The following FRY variants were observed in gnomAD, a reference collection of about 807,000 sequenced individuals.
FRY encodes the protein FRY microtubule binding protein, also known as protein furry homolog.
FRY carries 128 observed loss-of-function variants against 348.4 expected under a neutral mutation model. That is an observed-to-expected ratio of 0.37 (90% CI 0.32 to 0.43). The LOEUF (loss-of-function observed/expected upper bound fraction) is 0.43. Ranked by LOEUF, FRY falls within the 20% of genes least tolerant of loss-of-function variation. FRY has a pLI of 1.00. For synonymous variants in FRY, 1,370 were observed against 1,374.7 expected (o/e 1.00, Z 0.08); for missense variants, 2,736 against 3,695.2 (o/e 0.74, Z 6.73).
In FRY at chr13:32,236,347, A is replaced by AAC. The variant is rs10617897; in HGVS notation, c.5810+197_5810+198dup. On this transcript the variant is annotated intron_variant, in intron 43 of 60. Transcript: ENST00000542859. ...TAAAAAAGAAGTCATAATACACACAAACACACACACACACACACACACATT... is the reference window on the plus strand; with the variant it reads ...TAAAAAAGAAGTCATAATACACACAAACACACACACACACACACACACACATT... Among the ~76,000 whole-genome samples the AAC allele has an allele frequency of 6.0e-3, 901 of 151,328 alleles. 4 individuals carry two copies. The highest frequency in any genetic ancestry group is 8.8e-3 in the Non-Finnish European group (594 of 67,730).
intron 1 of FRY, among the ~76,000 whole-genome samples, chr13:32,063,598 T>A (rs1874072134): frequency 6.6e-6 from 1 of 152,200 alleles, no homozygotes; most frequent in Non-Finnish European, 1.5e-5. Flanking sequence ...ATCTGCTATT[T>A]TTCTCTTCTC....
At chr13:32,192,292 ATTTGT>A (rs907579803) in intron 28 of FRY, among the ~76,000 whole-genome samples, 7 of 151,340 alleles carry the variant, frequency 4.6e-5, no homozygotes, top group Non-Finnish European at 7.4e-5. Flanking sequence ...TTGTTTGTTT[ATTTGT>A]TTTGTTTTGT....
intron 41 of FRY, among the ~76,000 whole-genome samples, chr13:32,232,812 C>T (rs79850817): frequency 1.2e-3 from 187 of 152,268 alleles, no homozygotes; most frequent in Non-Finnish European, 1.3e-3. Flanking sequence ...GAAAAAGAAA[C>T]CTTTTCCTTT....
chr13:32,145,515 C>T (rs1880349070), intron 11 of FRY, among the ~76,000 whole-genome samples: 1 of 147,416 alleles, frequency 6.8e-6, no homozygotes, highest in African/African-American at 2.5e-5. Context: ...ACTCCCCTCT[C>T]TGACTGATTT....
chr13:32,056,777 T>G (rs1873647351), intron 1 of FRY, among the ~76,000 whole-genome samples: 1 of 152,214 alleles, frequency 6.6e-6, no homozygotes, highest in African/African-American at 2.4e-5. Context: ...GTGAAAATAT[T>G]TTAACTCTTA....
chr13:32,125,523 G>T (rs1374314460), intron 7 of FRY, among the ~76,000 whole-genome samples: 1 of 152,156 alleles, frequency 6.6e-6, no homozygotes, highest in Non-Finnish European at 1.5e-5. Context: ...TAGGCAAAAT[G>T]AACCAGAGAC....
chr13:32,290,751 G>A (rs1593858431), intron 59 of FRY, among the ~76,000 whole-genome samples: 1 of 152,162 alleles, frequency 6.6e-6, no homozygotes, highest in African/African-American at 2.4e-5. Context: ...AACTGGGACA[G>A]AAGCGCTAGG....
At chr13:32,155,810 T>C in intron 15 of FRY, 148 bp downstream of exon 15, 6 of 616,418 alleles carry the variant, frequency 9.7e-6, no homozygotes, top group Non-Finnish European at 1.4e-5. Flanking sequence ...GATTGATTCA[T>C]GCTGTGTTTT....
chr13:32,085,220 C>G (rs1243616435), intron 2 of FRY, among the ~76,000 whole-genome samples: 1 of 152,192 alleles, frequency 6.6e-6, no homozygotes, highest in Non-Finnish European at 1.5e-5. Flanking sequence ...TCTCCTCACA[C>G]TGACTCCAGC....
At chr13:32,265,276 C>G (rs1463551825) in intron 53 of FRY, among the ~76,000 whole-genome samples, 174 bp from the exon 54 acceptor site, 1 of 152,168 alleles carries the variant, frequency 6.6e-6, no homozygotes, top group African/African-American at 2.4e-5. Flanking sequence ...AACAGTACTT[C>G]AGAGAATTCC....
At chr13:32,164,952 C>G (rs1374400076) in intron 17 of FRY, among the ~76,000 whole-genome samples, 1 of 152,192 alleles carries the variant, frequency 6.6e-6, no homozygotes, top group Non-Finnish European at 1.5e-5. Flanking sequence ...TGAGTATTCA[C>G]CCTCCTCTTT....
intron 4 of FRY, among the ~76,000 whole-genome samples, chr13:32,123,050 C>G (rs1223629831): frequency 2.0e-5 from 3 of 152,142 alleles, no homozygotes; most frequent in Admixed American, 6.5e-5. Context: ...ACAACACAAA[C>G]AAATGGAAAC....
intron 36 of FRY, 30 bp downstream of exon 36, chr13:32,218,861 A>G (rs1356730194): frequency 2.3e-6 from 3 of 1,278,704 alleles, no homozygotes; most frequent in South Asian, 2.4e-5. Flanking sequence ...GGGCTTTCAG[A>G]CGGAACGCAA....
At position 32,147,960 on chromosome 13, in the gene FRY, A is replaced by G. The variant is rs1488088048; in HGVS notation, c.1392+13A>G. 7.1e-7 allele frequency: 1 copy of G among 1,403,356 alleles called. No individual in the cohort carries two copies. The highest frequency in any genetic ancestry group is 1.7e-5 in the Admixed American group (1 of 59,766). 86.9% of individuals were successfully genotyped at this position (1,403,356 alleles called of 1,614,324 possible). ...GTTCATTGCCCAGGTAATGGAGAAG[A>G]TTCCGGTGGTGGGAATCTTCTGATG... On this transcript the variant is annotated intron_variant, in intron 13 of 60. Transcript: ENST00000542859.
At chr13:32,129,491 T>C (rs1274241482) in intron 7 of FRY, among the ~76,000 whole-genome samples, 1 of 152,204 alleles carries the variant, frequency 6.6e-6, no homozygotes, top group Non-Finnish European at 1.5e-5. Flanking sequence ...ACTTATAAAG[T>C]AAACACAGCT....
chr13:32,276,164 G>A (rs148275075), intron 56 of FRY, among the ~76,000 whole-genome samples: 5 of 152,308 alleles, frequency 3.3e-5, no homozygotes, highest in East Asian at 3.9e-4. Context: ...AGTAGAAGTC[G>A]TGTATAAAAT....
intron 28 of FRY, among the ~76,000 whole-genome samples, chr13:32,193,581 A>G (rs1883483933): frequency 8.1e-6 from 1 of 122,718 alleles, no homozygotes; most frequent in Non-Finnish European, 1.7e-5. Context: ...TTGCCAATAA[A>G]GTCTTCGTCC....
At chr13:32,261,555 T>C (rs1403987889) in intron 51 of FRY, 61 bp from the exon 52 acceptor site, 33 of 1,292,852 alleles carry the variant, frequency 2.6e-5, no homozygotes, top group Non-Finnish European at 3.7e-5. Flanking sequence ...TAATTGAATG[T>C]GTGAACATGT....
intron 49 of FRY, among the ~76,000 whole-genome samples, chr13:32,250,212 C>T (rs1404995734): frequency 6.6e-6 from 1 of 152,220 alleles, no homozygotes; most frequent in Non-Finnish European, 1.5e-5. Context: ...GTCATCACAG[C>T]ATAGCAGAGA....
Sources: gnomAD v4.1 joint callset for allele counts (sites outside exome capture counted in the v4.1 genomes callset) on GRCh38, gnomAD v4.1.1 for gene constraint, MANE v1.5 for transcripts, NCBI Gene and HGNC (gene_info 2026-07-23, HGNC 2026-07-21) for gene names.